SIMC1: variants seen among roughly 807,000 people sequenced by gnomAD.
SIMC1 encodes SUMO-interacting motif-containing protein 1.
SIMC1 carries 55 observed loss-of-function variants against 82.3 expected under a neutral mutation model. The observed-to-expected ratio is 0.67, with a 90% confidence interval of 0.54 to 0.84. The LOEUF (loss-of-function observed/expected upper bound fraction) is 0.84, where lower values mean the gene tolerates loss of function less well. SIMC1 is among the 40% of genes least tolerant of loss of function. The pLI is 0.00. For synonymous variants in SIMC1, 353 were observed against 426.3 expected (o/e 0.83, Z 2.12); for missense variants, 915 against 1,107.2 (o/e 0.83, Z 2.46).
intron 4 of SIMC1, among the ~76,000 whole-genome samples, chr5:176,304,777 TGAG>T (rs1764216171): frequency 6.6e-6 from 1 of 150,450 alleles, no homozygotes; most frequent in Non-Finnish European, 1.5e-5. Context: ...ATCTAGGAAG[TGAG>T]GAGCGTCTCT....
At chr5:176,298,064 A>G (rs1763896919) in intron 4 of SIMC1, among the ~76,000 whole-genome samples, 1 of 152,248 alleles carries the variant, frequency 6.6e-6, no homozygotes, top group South Asian at 2.1e-4. Flanking sequence ...ATTAACAACC[A>G]TATACAGACC....
intron 7 of SIMC1, among the ~76,000 whole-genome samples, chr5:176,324,986 A>G (rs1229188842): frequency 2.0e-5 from 3 of 152,164 alleles, no homozygotes; most frequent in Non-Finnish European, 2.9e-5. Flanking sequence ...ATTATTTACA[A>G]CTGAGATATA....
intron 1 of SIMC1, among the ~76,000 whole-genome samples, chr5:176,243,786 T>C (rs1761348990): frequency 1.3e-5 from 2 of 152,092 alleles, no homozygotes; most frequent in Non-Finnish European, 2.9e-5. Flanking sequence ...CCCAAAGTGC[T>C]GGGATTACAG....
chr5:176,305,079 C>G (rs370611991), intron 4 of SIMC1, among the ~76,000 whole-genome samples: 1 of 136,910 alleles, frequency 7.3e-6, no homozygotes, highest in East Asian at 2.3e-4. Flanking sequence ...GCAGCCACCC[C>G]GTCCGGGAGG....
chr5:176,243,643 C>G (rs1219927320), intron 1 of SIMC1, among the ~76,000 whole-genome samples: 1 of 152,018 alleles, frequency 6.6e-6, no homozygotes, highest in Non-Finnish European at 1.5e-5. Context: ...CCACCTCAGC[C>G]TCCCGAGTAG....
chr5:176,303,771 T>C (rs1353791593), intron 4 of SIMC1, among the ~76,000 whole-genome samples: 1 of 152,192 alleles, frequency 6.6e-6, no homozygotes, highest in Non-Finnish European at 1.5e-5. Flanking sequence ...TTTGGGTACA[T>C]GGTCAAGTGA....
rs532239487 is a variant in SIMC1, at chr5:176,254,293, G to A, written c.129+15656G>A. 2.6e-5 allele frequency among the ~76,000 whole-genome samples: 4 copies of A among 152,272 alleles called. No individual in the cohort carries two copies. The South Asian group carries it at 8.3e-4, about 32-fold the overall frequency. ...CCAAGTGAAAAAGGTAGGATTAAGA[G>A]GAGTAGGAGTCTGATTATGTAGTCT... On this transcript the variant is annotated intron_variant, in intron 1 of 9. Coordinates refer to ENST00000429602, the MANE Select transcript of SIMC1 (RefSeq NM_001308195.2).
intron 1 of SIMC1, among the ~76,000 whole-genome samples, chr5:176,240,872 A>G (rs1167481310): frequency 1.1e-5 from 1 of 92,922 alleles, no homozygotes; most frequent in African/African-American, 4.1e-5. Context: ...TAATGAGACA[A>G]ATGCAAGGAA....
At chr5:176,324,597 A>G in intron 6 of SIMC1, 32 bp from the exon 7 acceptor site, 3 of 1,604,778 alleles carry the variant, frequency 1.9e-6, no homozygotes, top group Non-Finnish European at 2.6e-6. Context: ...CCAGACCCTC[A>G]CACTCATCTG....
At chr5:176,272,038 A>C (rs1762459184) in intron 1 of SIMC1, among the ~76,000 whole-genome samples, 1 of 146,488 alleles carries the variant, frequency 6.8e-6, no homozygotes, top group Admixed American at 6.9e-5. Flanking sequence ...CTATGCAGTT[A>C]TAAAAATTAG....
intron 8 of SIMC1, 29 bp from the exon 9 acceptor site, chr5:176,337,033 A>G (rs1765931452): frequency 6.2e-7 from 1 of 1,611,042 alleles, no homozygotes; most frequent in Non-Finnish European, 8.5e-7. Context: ...GAAGGCATTT[A>G]TTATCAATCC....
intron 9 of SIMC1, among the ~76,000 whole-genome samples, chr5:176,341,588 C>T (rs1303948446): frequency 6.6e-6 from 1 of 152,104 alleles, no homozygotes. Context: ...GTGGAGAAGG[C>T]AGTGGATGGG....
chr5:176,259,832 C>G (rs952553568), intron 1 of SIMC1, among the ~76,000 whole-genome samples: 1 of 151,586 alleles, frequency 6.6e-6, no homozygotes, highest in African/African-American at 2.4e-5. Flanking sequence ...TAAGAACCTG[C>G]CCCTATCTAT....
At chr5:176,313,251 C>T (rs1382556421) in intron 4 of SIMC1, 1 of 1,374,808 alleles carries the variant, frequency 7.3e-7, no homozygotes, top group African/African-American at 1.5e-5. Flanking sequence ...ACCAGTTTCT[C>T]TTTCTCTGTT....
intron 2 of SIMC1, among the ~76,000 whole-genome samples, chr5:176,293,762 A>G (rs1231412731): frequency 3.9e-5 from 6 of 152,024 alleles, no homozygotes; most frequent in Non-Finnish European, 7.4e-5. Context: ...AAAAAAAAAA[A>G]ATTAAGAGCT....
intron 4 of SIMC1, chr5:176,308,903 G>C (rs773948424): frequency 1.5e-6 from 2 of 1,311,024 alleles, no homozygotes; most frequent in Non-Finnish European, 1.1e-6. Flanking sequence ...AGCAGTCAGC[G>C]GGCCTCTTCT....
At chr5:176,251,570 A>G (rs748714499) in intron 1 of SIMC1, among the ~76,000 whole-genome samples, 9 of 151,958 alleles carry the variant, frequency 5.9e-5, no homozygotes, top group Non-Finnish European at 1.0e-4. Flanking sequence ...TTCTGGGTTG[A>G]AAATTATTTT....
At chr5:176,300,659 C>T (rs1246620444) in intron 4 of SIMC1, among the ~76,000 whole-genome samples, 1 of 151,902 alleles carries the variant, frequency 6.6e-6, no homozygotes, top group East Asian at 1.9e-4. Flanking sequence ...AACTGACAAA[C>T]TCTTAACTAG....
chr5:176,262,815 A>G (rs1486396329), intron 1 of SIMC1, among the ~76,000 whole-genome samples: 3 of 152,098 alleles, frequency 2.0e-5, no homozygotes, highest in African/African-American at 4.8e-5. Flanking sequence ...AAAAAAAGAA[A>G]AAGTATGTGG....
Sources: allele counts gnomAD v4.1 joint callset (sites outside exome capture counted in the v4.1 genomes callset), GRCh38; gene constraint gnomAD v4.1.1; transcripts MANE v1.5; gene names NCBI Gene and HGNC (gene_info 2026-07-23, HGNC 2026-07-21).